The following GALNT17 variants were observed in gnomAD, a reference collection of about 807,000 sequenced individuals.
GALNT17 encodes UDP-GalNAc:polypeptide N-acetylgalactosaminyltransferase-like 3.
In GALNT17, 29 loss-of-function variants were observed where a neutral mutation model predicts 63.7. That is an observed-to-expected ratio of 0.46 (90% CI 0.34 to 0.62). GALNT17 has a LOEUF of 0.62. Ranked by LOEUF, GALNT17 falls within the 20% of genes least tolerant of loss-of-function variation. GALNT17 has a pLI of 0.01. For synonymous variants in GALNT17, 305 were observed against 318.3 expected (o/e 0.96, Z 0.45); for missense variants, 603 against 799.6 (o/e 0.75, Z 2.97).
intron 5 of GALNT17, among the ~76,000 whole-genome samples, chr7:71,520,030 A>G (rs1442832141): frequency 2.0e-5 from 3 of 152,216 alleles, no homozygotes; most frequent in African/African-American, 7.2e-5. Context: ...TGAGCTTCAC[A>G]GAGGCTCTGA....
At chr7:71,705,378 A>G (rs1229437988) in intron 9 of GALNT17, among the ~76,000 whole-genome samples, 1 of 152,170 alleles carries the variant, frequency 6.6e-6, no homozygotes, top group African/African-American at 2.4e-5. Flanking sequence ...GTTGGCCAGG[A>G]TGTGGAGAAA....
intron 6 of GALNT17, among the ~76,000 whole-genome samples, chr7:71,651,473 T>G (rs1438902418): frequency 1.3e-5 from 2 of 152,074 alleles, no homozygotes; most frequent in African/African-American, 4.8e-5. Flanking sequence ...CAGCTAATTT[T>G]TTGTATTTTT....
chr7:71,201,924 C>T (rs1412072635), intron 1 of GALNT17, among the ~76,000 whole-genome samples: 6 of 152,156 alleles, frequency 3.9e-5, no homozygotes, highest in Non-Finnish European at 8.8e-5. Context: ...TGAGCCACTG[C>T]GCCTGGCCTA....
At chr7:71,201,871 G>A (rs925608141) in intron 1 of GALNT17, among the ~76,000 whole-genome samples, 16 of 152,078 alleles carry the variant, frequency 1.1e-4, no homozygotes, top group African/African-American at 3.4e-4. Context: ...GACCTCAGGT[G>A]ATCCACCCGC....
intron 6 of GALNT17, among the ~76,000 whole-genome samples, chr7:71,576,656 C>T (rs542295904): frequency 2.0e-5 from 3 of 151,900 alleles, no homozygotes; most frequent in African/African-American, 4.8e-5. Flanking sequence ...CTGCAACCTC[C>T]GCCTCCCAGG....
intron 5 of GALNT17, among the ~76,000 whole-genome samples, chr7:71,459,110 C>A (rs1000437146): frequency 1.3e-5 from 2 of 151,962 alleles, no homozygotes; most frequent in African/African-American, 4.8e-5. Context: ...AAAAAAAACA[C>A]CTTTCGGCAA....
chr7:71,509,836 T>C (rs561139608), intron 5 of GALNT17, among the ~76,000 whole-genome samples: 1 of 152,320 alleles, frequency 6.6e-6, no homozygotes, highest in East Asian at 1.9e-4. Context: ...GGATGCAGCA[T>C]CCTTCAACAC....
At chr7:71,157,692 T>C (rs1030370617) in intron 1 of GALNT17, among the ~76,000 whole-genome samples, 2 of 151,708 alleles carry the variant, frequency 1.3e-5, no homozygotes, top group South Asian at 2.1e-4. Context: ...TGAATACATA[T>C]ATAATTTACT....
chr7:71,148,241 T>C (rs79456899), intron 1 of GALNT17, among the ~76,000 whole-genome samples: 1,572 of 152,330 alleles, frequency 0.01, 21 homozygotes, highest in African/African-American at 0.034. Flanking sequence ...GGCATCATAG[T>C]GTCATAGCTC....
chr7:71,567,316 T>C (rs192805314), intron 5 of GALNT17, among the ~76,000 whole-genome samples: 3 of 152,130 alleles, frequency 2.0e-5, no homozygotes, highest in Non-Finnish European at 4.4e-5. Flanking sequence ...ATAAGTGTGA[T>C]TGGCATGCGA....
chr7:71,532,242 A>G (rs1788732937), intron 5 of GALNT17, among the ~76,000 whole-genome samples: 1 of 152,118 alleles, frequency 6.6e-6, no homozygotes. Context: ...ATGGCACACA[A>G]CACCCGCATA....
chr7:71,282,219 C>T (rs149027799), intron 1 of GALNT17, among the ~76,000 whole-genome samples: 44 of 152,340 alleles, frequency 2.9e-4, no homozygotes, highest in African/African-American at 8.4e-4. Flanking sequence ...ATCCTAATGA[C>T]GACTGGCAGG....
intron 5 of GALNT17, among the ~76,000 whole-genome samples, chr7:71,526,422 G>A (rs560605617): frequency 3.3e-5 from 5 of 152,292 alleles, no homozygotes; most frequent in African/African-American, 9.6e-5. Context: ...AAACGGCACC[G>A]TCCCATGCTC....
intron 2 of GALNT17, among the ~76,000 whole-genome samples, chr7:71,354,854 T>G (rs1265985187): frequency 6.6e-6 from 1 of 152,200 alleles, no homozygotes; most frequent in Non-Finnish European, 1.5e-5. Context: ...TTCTTGATGG[T>G]TTTTGCAATT....
rs1276979657 is a variant in GALNT17 at position 71,599,520 on chromosome 7, C to T, written c.1080+28118C>T. The stretch of plus-strand genomic sequence containing the variant: ...ATTCTGTGTCCTCTTAAAAAATATC[C>T]TTCCCTCTACTGGAGCAGCTCTGAA... On this transcript the variant is annotated intron_variant, in intron 6 of 10. Coordinates refer to ENST00000333538, the MANE Select transcript of GALNT17 (RefSeq NM_022479.3). 2.0e-5 allele frequency among the ~76,000 whole-genome samples: 3 copies of T among 152,006 alleles called. No homozygotes were observed. In the East Asian group the frequency reaches 5.9e-4, roughly 30 times the overall value.
At chr7:71,220,481 C>T (rs552204041) in intron 1 of GALNT17, among the ~76,000 whole-genome samples, 3 of 152,268 alleles carry the variant, frequency 2.0e-5, no homozygotes, top group South Asian at 4.1e-4. Flanking sequence ...ACAGTGTATG[C>T]GACTGAACCT....
In GALNT17 at chr7:71,403,038, T is replaced by C. The variant is rs1046439125; in HGVS notation, c.590-12851T>C. On this transcript the variant is annotated intron_variant, in intron 3 of 10. Coordinates refer to ENST00000333538, the MANE Select transcript of GALNT17 (RefSeq NM_022479.3). ...CATTTGCTATGTGGGTCTGTAATCC[T>C]AACTAGGTTGTGCATTTACATTTCT... is the stretch of plus-strand genomic sequence containing the variant. 3.9e-5 allele frequency among the ~76,000 whole-genome samples: 6 copies of C among 152,228 alleles called. No homozygotes were observed. In the East Asian group the frequency reaches 1.2e-3, roughly 29 times the overall value.
intron 1 of GALNT17, among the ~76,000 whole-genome samples, chr7:71,251,380 C>T (rs1425929221): frequency 6.6e-6 from 1 of 152,158 alleles, no homozygotes; most frequent in African/African-American, 2.4e-5. Flanking sequence ...ATTAGTGTTA[C>T]TGGCAGTGGG....
chr7:71,380,972 T>G (rs1366450699), intron 2 of GALNT17, among the ~76,000 whole-genome samples: 4 of 151,562 alleles, frequency 2.6e-5, no homozygotes, highest in South Asian at 2.1e-4. Context: ...TTTTGTTTTT[T>G]TTTTTTAAGA....
Sources: allele counts gnomAD v4.1 joint callset (sites outside exome capture counted in the v4.1 genomes callset), GRCh38; gene constraint gnomAD v4.1.1; transcripts MANE v1.5; gene names NCBI Gene and HGNC (gene_info 2026-07-23, HGNC 2026-07-21).